Variants in LINGO4 observed in about 807,000 individuals in gnomAD.
LINGO4 encodes leucine-rich repeat and immunoglobulin-like domain-containing nogo receptor-interacting protein 4.
In LINGO4, 22 loss-of-function variants were observed where a neutral mutation model predicts 27.9. The observed-to-expected ratio is 0.79, with a 90% CI of 0.56 to 1.13. The LOEUF (loss-of-function observed/expected upper bound fraction) is 1.13, where lower values mean the gene tolerates loss of function less well. Among genes scored for constraint, LINGO4 ranks in the 50% most tolerant of loss-of-function variants. The probability of loss-of-function intolerance (pLI) is 0.00; values close to 1 mark genes in which losing one functional copy is unlikely to be tolerated. For missense variants in LINGO4, 706 were observed against 739.4 expected (o/e 0.95, Z 0.52); for synonymous variants, 306 against 325.8 (o/e 0.94, Z 0.65).
At position 151,802,379 on chromosome 1, in the gene LINGO4, C is replaced by T. The variant is rs1429743422; in HGVS notation, c.326G>A (p.Ser109Asn). ...LEPGAFHGLQ[S>N]LLTLRLQGNR... Reference sequence around the variant, plus strand: ...GCCCTGCAGCCTCAGGGTGAGTAGGCTTTGTAGGCCATGGAAGGCCCCAGG... The same window carrying T: ...GCCCTGCAGCCTCAGGGTGAGTAGGTTTTGTAGGCCATGGAAGGCCCCAGG... The change falls in exon 2 of 2, where the codon AGC becomes AAC. Residue 109 changes from serine to asparagine, a missense_variant. Coordinates refer to ENST00000368820, the MANE Select transcript of LINGO4 (RefSeq NM_001004432.4). 4.3e-6 allele frequency: 7 copies of T among 1,614,010 alleles called. No individual in the cohort carries two copies. The highest frequency in any genetic ancestry group is 1.1e-5 in the South Asian group (1 of 91,086).
At position 151,800,779 on chromosome 1, in the gene LINGO4, C is replaced by T. The variant is rs1360011990; in HGVS notation, c.*144G>A. 5.6e-6 allele frequency: 4 copies of T among 713,250 alleles called. No homozygotes were observed. The East Asian group carries it at 8.1e-5, about 15-fold the overall frequency. 44.2% of individuals were successfully genotyped at this position (713,250 alleles called of 1,614,324 possible). On this transcript the variant is annotated 3_prime_UTR_variant, in exon 2 of 2. Transcript: ENST00000368820. ...ACCGGAAAAGCTCAGGAAGCAGACTCTCCGGCAGGAGGCACAACGCAGGCG... is the reference window on the plus strand; with the variant it reads ...ACCGGAAAAGCTCAGGAAGCAGACTTTCCGGCAGGAGGCACAACGCAGGCG...
At position 151,801,050 on chromosome 1, in the gene LINGO4, C is replaced by G; in HGVS notation, c.1655G>C (p.Gly552Ala). Reference sequence around the variant, plus strand: ...GCCCTTGCTCCAAAGGGCAATCAGGCCAAAGCAGAGGGTCACTGAGGTGAG... The same window carrying G: ...GCCCTTGCTCCAAAGGGCAATCAGGGCAAAGCAGAGGGTCACTGAGGTGAG... Reference protein sequence around the residue: ...PFLTSVTLCFGLIALWSKGKG... With the variant: ...PFLTSVTLCFALIALWSKGKG... Residue 552 changes from glycine (G) to alanine (A), a missense_variant, in exon 2 of 2, where the codon GGC becomes GCC. Coordinates refer to ENST00000368820, the MANE Select transcript of LINGO4 (RefSeq NM_001004432.4). The surrounding 1 kb of genome is among the most constrained non-coding windows in gnomAD (Gnocchi z 5.7). The G allele has an allele frequency of 3.1e-6, 5 of 1,614,106 alleles. No homozygotes were observed. The highest frequency in any genetic ancestry group is 4.2e-6 in the Non-Finnish European group (5 of 1,180,026).
Position 151,801,254 on chromosome 1 carries a change from C to A in LINGO4, c.1451G>T (p.Cys484Phe). ...ATTCCCAGCGACATTGCTAACCACA[C>A]AGACATAGGCCCCTCTGTCCCGTAG... Reference protein sequence around the residue: ...VQLRDRGAYVCVVSNVAGNDS... With the variant: ...VQLRDRGAYVFVVSNVAGNDS... The change falls in exon 2 of 2, where the codon TGT becomes TTT. Residue 484 changes from cysteine (C) to phenylalanine (F), a missense_variant. Transcript: ENST00000368820. The surrounding 1 kb of genome is among the most constrained non-coding windows in gnomAD (Gnocchi z 5.7). The A allele has an allele frequency of 1.2e-6, 2 of 1,614,208 alleles. No homozygotes were observed. Among genetic ancestry groups the A allele is most frequent in the Non-Finnish European group, 1.7e-6 (2 of 1,180,032 alleles).
In LINGO4 at chr1:151,802,217, A is replaced by G. The variant is rs143694921; in HGVS notation, c.488T>C (p.Val163Ala). Residue 163 changes from valine to alanine, a missense_variant, in exon 2 of 2, where the codon GTT becomes GCT. Coordinates refer to ENST00000368820, the MANE Select transcript of LINGO4 (RefSeq NM_001004432.4). ...CACAAATACCAGGTGGTTGTCCCCA[A>G]CCTCCAGCTTCTGGAGGCTGCCTAG... ...GELGSLQKLE[V>A]GDNHLVFVAP... 74 of 1,614,090 alleles carry G rather than the reference A, an allele frequency of 4.6e-5. No individual in the cohort carries two copies. Among genetic ancestry groups the G allele is most frequent in the South Asian group, 1.5e-4 (14 of 91,080 alleles).
chr1:151,801,164 G>T lies in LINGO4; in HGVS notation c.1541C>A (p.Pro514His). 1.9e-6 allele frequency: 3 copies of T among 1,614,186 alleles called. No individual in the cohort carries two copies. The highest frequency in any genetic ancestry group is 2.5e-6 in the Non-Finnish European group (3 of 1,180,016). The change falls in exon 2 of 2, where the codon CCC becomes CAC. Residue 514 changes from proline to histidine, a missense_variant. By Grantham distance (77) the Pro-to-His change is moderately conservative (BLOSUM62 -2). Transcript: ENST00000368820. This position sits in a 1 kb window ranked among gnomAD's most constrained non-coding sequence, Gnocchi z 5.7. The part of the protein sequence containing the change: ...VEPPNGTLSD[P>H]NITVPGIPGP... ...TGGGATCCCTGGCACGGTGATGTTGGGGTCAGAAAGTGTGCCGTTTGGTGG... is the reference window on the plus strand; with the variant it reads ...TGGGATCCCTGGCACGGTGATGTTGTGGTCAGAAAGTGTGCCGTTTGGTGG...
intron 1 of LINGO4, among the ~76,000 whole-genome samples, chr1:151,803,463 G>A (rs781257118): frequency 2.0e-5 from 3 of 152,258 alleles, no homozygotes; most frequent in South Asian, 2.1e-4. Context: ...CCCTGCAAGA[G>A]CCCAGGGGCA....
chr1:151,800,786 A>G lies in LINGO4; in HGVS notation c.*137T>C, dbSNP rs1651122150. 5.4e-6 allele frequency: 4 copies of G among 739,050 alleles called. No individual in the cohort carries two copies. In the South Asian group the frequency reaches 7.6e-5, roughly 14 times the overall value. 45.8% of individuals were successfully genotyped at this position (739,050 alleles called of 1,614,324 possible). Reference sequence around the variant, plus strand: ...AAGCTCAGGAAGCAGACTCTCCGGCAGGAGGCACAACGCAGGCGGGAGGTG... The same window carrying G: ...AAGCTCAGGAAGCAGACTCTCCGGCGGGAGGCACAACGCAGGCGGGAGGTG... On this transcript the variant is annotated 3_prime_UTR_variant, in exon 2 of 2. Coordinates refer to ENST00000368820, the MANE Select transcript of LINGO4 (RefSeq NM_001004432.4).
Position 151,801,762 on chromosome 1 carries a change from T to G in LINGO4, c.943A>C (p.Ile315Leu). Residue 315 changes from isoleucine to leucine, a missense_variant, in exon 2 of 2, where the codon ATT (isoleucine) becomes CTT (leucine). Coordinates refer to ENST00000368820, the MANE Select transcript of LINGO4 (RefSeq NM_001004432.4). The surrounding 1 kb of genome is among the most constrained non-coding windows in gnomAD (Gnocchi z 5.7). ...AAGCCATGGAAGGCATGGGCAGCAA[T>G]GGAGGTGAGGCATGCCCCTGACAGG... ...LRLSGACLTS[I>L]AAHAFHGLTA... The G allele has an allele frequency of 6.2e-7, 1 of 1,614,012 alleles. No homozygotes were observed. The highest frequency in any genetic ancestry group is 8.5e-7 in the Non-Finnish European group (1 of 1,179,994).
Position 151,802,124 on chromosome 1 carries a change from G to A in LINGO4, c.581C>T (p.Thr194Ile). 3.1e-6 allele frequency: 5 copies of A among 1,613,948 alleles called. No individual in the cohort carries two copies. Among genetic ancestry groups the A allele is most frequent in the Non-Finnish European group, 4.2e-6 (5 of 1,180,034 alleles). ...TLTLERCNLS[T>I]VPGLALARLP... ...ACGGGCAAGGGCTAGGCCAGGCACT[G>A]TGCTGAGGTTGCAGCGCTCCAGGGT... Residue 194 changes from threonine (T) to isoleucine (I), a missense_variant, in exon 2 of 2, where the codon ACA (threonine) becomes ATA (isoleucine). By Grantham distance (89) the Thr-to-Ile change is moderately conservative (BLOSUM62 -1). Coordinates refer to ENST00000368820, the MANE Select transcript of LINGO4 (RefSeq NM_001004432.4).
chr1:151,800,757 G>T lies in LINGO4; in HGVS notation c.*166C>A. 1.6e-6 allele frequency: 1 copy of T among 633,778 alleles called. No homozygotes were observed. The highest frequency in any genetic ancestry group is 2.7e-6 in the Non-Finnish European group (1 of 368,868). The allele number at this position is 633,778 out of a possible 1,614,324, so 39.3% of individuals were successfully genotyped here. On this transcript the variant is annotated 3_prime_UTR_variant, in exon 2 of 2. Transcript: ENST00000368820. The stretch of plus-strand genomic sequence containing the variant: ...GAAATGACAATGCTATCCTCAGACC[G>T]GAAAAGCTCAGGAAGCAGACTCTCC...
In LINGO4 at chr1:151,801,568, G is replaced by T; in HGVS notation, c.1137C>A (p.Gly379=). 1 of 1,613,714 alleles carries T rather than the reference G, an allele frequency of 6.2e-7. No homozygotes were observed. Residue 379 remains glycine (G), a synonymous_variant, in exon 2 of 2, where the codon GGC becomes GGA. Coordinates refer to ENST00000368820, the MANE Select transcript of LINGO4 (RefSeq NM_001004432.4). The surrounding 1 kb of genome is among the most constrained non-coding windows in gnomAD (Gnocchi z 5.7). Reference sequence around the variant, plus strand: ...GGCCAGCACAGGCAGGGGGGGACATGCCAAAGTCCAGGTGGCGGCGGAGCC... The same window carrying T: ...GGCCAGCACAGGCAGGGGGGGACATTCCAAAGTCCAGGTGGCGGCGGAGCC... ...LLRLRRHLDF[G]MSPPACAGPH...
rs949877818 is a variant in LINGO4, at chr1:151,800,326, G to A, written c.*597C>T. ...CAGGTTTAATGATCTGGTAGATAGAGGAAGGTGGTAGAGGCTCATGCAAAC... is the reference window on the plus strand; with the variant it reads ...CAGGTTTAATGATCTGGTAGATAGAAGAAGGTGGTAGAGGCTCATGCAAAC... On this transcript the variant is annotated 3_prime_UTR_variant, in exon 2 of 2. Coordinates refer to ENST00000368820, the MANE Select transcript of LINGO4 (RefSeq NM_001004432.4). The A allele has an allele frequency of 6.6e-6, 1 of 152,372 alleles. No individual in the cohort carries two copies. The highest frequency in any genetic ancestry group is 2.4e-5 in the African/African-American group (1 of 41,438). 9.4% of individuals were successfully genotyped at this position (152,372 alleles called of 1,614,324 possible). A position where few individuals can be genotyped will look rare whatever the true frequency, so the allele number is the denominator to read the frequency against.
rs887161367 is a variant in LINGO4, at chr1:151,802,218, C to T, written c.487G>A (p.Val163Ile). 2.5e-6 allele frequency: 4 copies of T among 1,614,188 alleles called. No individual in the cohort carries two copies. The Admixed American group carries it at 5.0e-5, about 20-fold the overall frequency. The change falls in exon 2 of 2, where the codon GTT becomes ATT. Residue 163 changes from valine (V) to isoleucine (I), a missense_variant. Val to Ile is a conservative substitution (Grantham distance 29, BLOSUM62 3). Transcript: ENST00000368820. ...GELGSLQKLE[V>I]GDNHLVFVAP... ...ACAAATACCAGGTGGTTGTCCCCAA[C>T]CTCCAGCTTCTGGAGGCTGCCTAGC...
chr1:151,800,963 T>C lies in LINGO4; in HGVS notation c.1742A>G (p.Lys581Arg). The C allele has an allele frequency of 6.2e-7, 1 of 1,613,262 alleles. No homozygotes were observed. Among genetic ancestry groups the C allele is most frequent in the Non-Finnish European group, 8.5e-7 (1 of 1,179,390 alleles). The change falls in exon 2 of 2, where the codon AAA becomes AGA. Residue 581 changes from lysine (K) to arginine (R), a missense_variant. Transcript: ENST00000368820. ...AGTGACCCGGTTACCCCCAGAGTTTTTATCCCCAGAGGGCCGAGGTGCCAC... is the reference window on the plus strand; with the variant it reads ...AGTGACCCGGTTACCCCCAGAGTTTCTATCCCCAGAGGGCCGAGGTGCCAC... ...DFVAPRPSGD[K>R]NSGGNRVTAK...
In LINGO4 at chr1:151,800,897, TG is replaced by T; in HGVS notation, c.*25del. 22 of 1,567,828 alleles carry T rather than the reference TG, an allele frequency of 1.4e-5. No individual in the cohort carries two copies. Among genetic ancestry groups the T allele is most frequent in the Non-Finnish European group, 1.9e-5 (22 of 1,154,812 alleles). ...CCTTTGGTATCTGAAGCGGACTTGG[TG>T]GGTTCCCCACTGGGGAAGGAAAGGT... On this transcript the variant is annotated 3_prime_UTR_variant, in exon 2 of 2. Coordinates refer to ENST00000368820, the MANE Select transcript of LINGO4 (RefSeq NM_001004432.4).
Position 151,801,439 on chromosome 1 carries a change from C to T in LINGO4, c.1266G>A (p.Trp422Ter), listed in dbSNP as rs1192558033. 1.2e-6 allele frequency: 2 copies of T among 1,614,168 alleles called. No individual in the cohort carries two copies. Among genetic ancestry groups the T allele is most frequent in the Admixed American group, 1.7e-5 (1 of 60,036 alleles). The change falls in exon 2 of 2, where the codon TGG (tryptophan) becomes TGA (stop). Residue 422 changes from tryptophan (W) to a stop codon, truncating the protein, a stop_gained. Transcript: ENST00000368820. LOFTEE classifies it high-confidence loss of function. This position sits in a 1 kb window ranked among gnomAD's most constrained non-coding sequence, Gnocchi z 5.7. ...CATGCCCGCCCTCCTCTGCAATGAC[C>T]CATCGAGGCCCCGACTTTCGGATCA... ...PALIRKSGPR[W>*]VIAEEGGHAV...
In LINGO4 at chr1:151,801,521, C is replaced by T. The variant is rs1285803530; in HGVS notation, c.1184G>A (p.Ser395Asn). 4 of 1,613,866 alleles carry T rather than the reference C, an allele frequency of 2.5e-6. No homozygotes were observed. The highest frequency in any genetic ancestry group is 3.4e-6 in the Non-Finnish European group (4 of 1,179,942). ...CAGPHHVQGK[S>N]LKEFSDILPP... ...CAGGATGTCTGAAAACTCCTTCAGG[C>T]TCTTCCCCTGGACATGATGGGGGCC... The change falls in exon 2 of 2, where the codon AGC becomes AAC. Residue 395 changes from serine to asparagine, a missense_variant. By Grantham distance (46) the Ser-to-Asn change is conservative (BLOSUM62 1). Coordinates refer to ENST00000368820, the MANE Select transcript of LINGO4 (RefSeq NM_001004432.4). This position sits in a 1 kb window ranked among gnomAD's most constrained non-coding sequence, Gnocchi z 5.7.
Position 151,802,610 on chromosome 1 carries a change from G to A in LINGO4, c.95C>T (p.Pro32Leu), listed in dbSNP as rs1651187378. Reference sequence around the variant, plus strand: ...CTGGGAGGTGCAGTCACACACAGCAGGGCAGCTGCCACCGCTCCCTCCAGG... The same window carrying A: ...CTGGGAGGTGCAGTCACACACAGCAAGGCAGCTGCCACCGCTCCCTCCAGG... ...LLPGGSGGSC[P>L]AVCDCTSQPQ... is the part of the protein sequence containing the mutation. The change falls in exon 2 of 2, where the codon CCT becomes CTT. Residue 32 changes from proline to leucine, a missense_variant. Transcript: ENST00000368820. 1 of 1,598,676 alleles carries A rather than the reference G, an allele frequency of 6.3e-7. No individual in the cohort carries two copies. The highest frequency in any genetic ancestry group is 8.5e-7 in the Non-Finnish European group (1 of 1,172,212).
chr1:151,804,604 C>A (rs903843388), intron 1 of LINGO4, among the ~76,000 whole-genome samples: 20 of 152,214 alleles, frequency 1.3e-4, no homozygotes, highest in Admixed American at 1.3e-4. Flanking sequence ...CCCCTGAGTC[C>A]GCTGGGCCAG....
Sources: gnomAD v4.1 joint callset for allele counts (sites outside exome capture counted in the v4.1 genomes callset) on GRCh38, gnomAD v4.1.1 for gene constraint, Gnocchi (gnomAD v3.1) non-coding constraint, MANE v1.5 for transcripts, NCBI Gene and HGNC (gene_info 2026-07-23, HGNC 2026-07-21) for gene names.